Variants in MYO5C observed in about 807,000 individuals in gnomAD.
MYO5C encodes myosin VC, also known as unconventional myosin-Vc.
In MYO5C, 194 loss-of-function variants were observed where a neutral mutation model predicts 235.7. The observed-to-expected ratio is 0.82, with a 90% confidence interval of 0.73 to 0.93. MYO5C has a LOEUF of 0.93. Ranked by LOEUF, MYO5C falls within the 40% of genes least tolerant of loss-of-function variation. The probability of loss-of-function intolerance (pLI) is 0.00; values close to 1 mark genes in which losing one functional copy is unlikely to be tolerated. For missense variants in MYO5C, 2,038 were observed against 2,127.2 expected (o/e 0.96, Z 0.82); for synonymous variants, 707 against 754.8 (o/e 0.94, Z 1.04).
At chr15:52,198,756 A>G (rs1474587478) in intron 38 of MYO5C, among the ~76,000 whole-genome samples, 2 of 150,046 alleles carry the variant, frequency 1.3e-5, no homozygotes, top group African/African-American at 2.5e-5. Flanking sequence ...TAATTTTTGT[A>G]TTTTTAGTAG....
At position 52,275,723 on chromosome 15, in the gene MYO5C, A is replaced by G; in HGVS notation, c.450-5T>C. The G allele has an allele frequency of 6.2e-7, 1 of 1,613,846 alleles. No homozygotes were observed. Among genetic ancestry groups the G allele is most frequent in the Non-Finnish European group, 8.5e-7 (1 of 1,179,696 alleles). ...ATGGACTGGTTTCTGTTGTTTCTAAAGCAAATAAAAGTTTTCAAATATTAG... is the reference window on the plus strand; with the variant it reads ...ATGGACTGGTTTCTGTTGTTTCTAAGGCAAATAAAAGTTTTCAAATATTAG... On this transcript the variant is annotated splice_region_variant and splice_polypyrimidine_tract_variant and intron_variant, in intron 4 of 40. Coordinates refer to ENST00000261839, the MANE Select transcript of MYO5C (RefSeq NM_018728.4).
rs749835881 is a variant in MYO5C, at chr15:52,195,376, C to T, written c.5076+1G>A. Reference sequence around the variant, plus strand: ...AAAAGGCACATCCTTAAGAATCTCACCTGTACTTTGCGAACAAAGGATGGA... The same window carrying T: ...AAAAGGCACATCCTTAAGAATCTCATCTGTACTTTGCGAACAAAGGATGGA... On this transcript the variant is annotated splice_donor_variant, in intron 40 of 40. Coordinates refer to ENST00000261839, the MANE Select transcript of MYO5C (RefSeq NM_018728.4). LOFTEE classifies it high-confidence loss of function. 1.9e-6 allele frequency: 3 copies of T among 1,605,614 alleles called. No homozygotes were observed. The South Asian group carries it at 3.3e-5, about 18-fold the overall frequency.
intron 22 of MYO5C, among the ~76,000 whole-genome samples, chr15:52,236,288 C>T (rs1048713053): frequency 1.3e-5 from 2 of 152,220 alleles, no homozygotes; most frequent in Non-Finnish European, 2.9e-5. Flanking sequence ...CCCACGGCAG[C>T]AGTGTTGGTG....
At chr15:52,283,991 GT>G (rs1273212449) in intron 1 of MYO5C, among the ~76,000 whole-genome samples, 1 of 152,002 alleles carries the variant, frequency 6.6e-6, no homozygotes, top group Non-Finnish European at 1.5e-5. Flanking sequence ...AAAAATTAGT[GT>G]CCTTATAAGA....
intron 24 of MYO5C, among the ~76,000 whole-genome samples, chr15:52,230,826 C>CTTCTTCCT (rs1327127465): frequency 7.8e-6 from 1 of 128,622 alleles, no homozygotes; most frequent in East Asian, 2.4e-4. Flanking sequence ...AGAAGTCTTC[C>CTTCTTCCT]TTTTTTTTTT....
At chr15:52,290,656 A>T (rs1257655461) in intron 1 of MYO5C, among the ~76,000 whole-genome samples, 4 of 150,796 alleles carry the variant, frequency 2.7e-5, no homozygotes, top group African/African-American at 9.7e-5. Context: ...CTCCAGAGGC[A>T]TGCCACAGAG....
Position 52,205,122 on chromosome 15 carries a change from G to A in MYO5C, c.4563C>T (p.Ser1521=), listed in dbSNP as rs1231741987. The A allele has an allele frequency of 1.2e-6, 2 of 1,614,110 alleles. No individual in the cohort carries two copies. Among genetic ancestry groups the A allele is most frequent in the Non-Finnish European group, 1.7e-6 (2 of 1,179,980 alleles). Residue 1521 remains serine, a synonymous_variant, in exon 38 of 41, where the codon AGC becomes AGT. Transcript: ENST00000261839. ...GCTTCAGGCCGGAAATGCCCTGCAG[G>A]CTCTCATACTCCAGCATTCCCGGAA... ...IIVPGMLEYE[S]LQGISGLKPT... is the part of the protein sequence containing the mutation.
intron 1 of MYO5C, among the ~76,000 whole-genome samples, chr15:52,285,880 C>A (rs1439489316): frequency 6.6e-6 from 1 of 152,226 alleles, no homozygotes; most frequent in Non-Finnish European, 1.5e-5. Context: ...CAGCCTCTGC[C>A]CGGCCGCCAC....
At chr15:52,291,206 T>A (rs1460831524) in intron 1 of MYO5C, among the ~76,000 whole-genome samples, 1 of 152,174 alleles carries the variant, frequency 6.6e-6, no homozygotes, top group Non-Finnish European at 1.5e-5. Flanking sequence ...AGATCAAGGC[T>A]AGAGAATAGT....
chr15:52,265,010 C>G (rs946558773), intron 8 of MYO5C, among the ~76,000 whole-genome samples: 19 of 152,224 alleles, frequency 1.2e-4, no homozygotes, highest in African/African-American at 4.6e-4. Flanking sequence ...AGTTCTGCTG[C>G]TGCCCCCCAG....
intron 35 of MYO5C, 126 bp downstream of exon 35, chr15:52,211,604 G>T: frequency 9.9e-7 from 1 of 1,007,802 alleles, no homozygotes; most frequent in Non-Finnish European, 1.5e-6. Context: ...CACTAGTTGG[G>T]CCTCAAACTT....
Position 52,195,962 on chromosome 15 carries a change from CTTTTTTTTT to C in MYO5C, c.4995+338_4995+346del, listed in dbSNP as rs71130140. ...CAAAGGTGTGTGCCATCACACCCAG[CTTTTTTTTT>C]TTTTTTTTTTTTTTTTTTTTTTTGG... On this transcript the variant is annotated intron_variant, in intron 39 of 40. Transcript: ENST00000261839. Among the ~76,000 whole-genome samples the C allele has an allele frequency of 4.0e-4, 32 of 80,982 alleles. No individual in the cohort carries two copies. In the East Asian group the frequency reaches 0.019, roughly 48 times the overall value. 53.1% of individuals were successfully genotyped at this position (80,982 alleles called of 152,430 possible). A position where few individuals can be genotyped will look rare whatever the true frequency, so the allele number is the denominator to read the frequency against.
At position 52,226,051 on chromosome 15, in the gene MYO5C, GAA is replaced by G. The variant is rs34456629; in HGVS notation, c.3208-521_3208-520del. On this transcript the variant is annotated intron_variant, in intron 25 of 40. Coordinates refer to ENST00000261839, the MANE Select transcript of MYO5C (RefSeq NM_018728.4). ...GGGAACAAGAGCAAAACTCCACCTC[GAA>G]AAAAAAAAAAATTAACTTCCCTGTT... Among the ~76,000 whole-genome samples, 756 of 120,432 alleles carry G rather than the reference GAA, an allele frequency of 6.3e-3. 14 individuals carry two copies. The highest frequency in any genetic ancestry group is 0.034 in the Admixed American group (397 of 11,630). 79.0% of individuals were successfully genotyped at this position (120,432 alleles called of 152,430 possible). A position where few individuals can be genotyped will look rare whatever the true frequency, so the allele number is the denominator to read the frequency against.
intron 24 of MYO5C, among the ~76,000 whole-genome samples, chr15:52,229,924 C>A (rs887646872): frequency 6.6e-6 from 1 of 152,186 alleles, no homozygotes. Flanking sequence ...GTATTCCCAA[C>A]CCCCCGGGTT....
chr15:52,235,279 T>C (rs894615482), intron 23 of MYO5C, among the ~76,000 whole-genome samples: 10 of 152,132 alleles, frequency 6.6e-5, no homozygotes, highest in Admixed American at 2.6e-4. Context: ...TACATCAGGA[T>C]TACCGTAAAG....
intron 30 of MYO5C, 25 bp from the exon 31 acceptor site, chr15:52,219,847 C>G: frequency 6.4e-7 from 1 of 1,572,352 alleles, no homozygotes; most frequent in Non-Finnish European, 8.7e-7. Flanking sequence ...ACTGTCAGTA[C>G]TTTGGGGGGG....
chr15:52,251,586 AT>A, intron 12 of MYO5C, 71 bp from the exon 13 acceptor site: 2 of 1,297,172 alleles, frequency 1.5e-6, no homozygotes, highest in Middle Eastern at 2.4e-4. Flanking sequence ...AAAAGCACTA[AT>A]TCTAAGAAAC....
At chr15:52,205,710 T>G in intron 37 of MYO5C, 106 bp downstream of exon 37, 1 of 637,522 alleles carries the variant, frequency 1.6e-6, no homozygotes, top group Non-Finnish European at 2.4e-6. Flanking sequence ...TTCCTTGGCT[T>G]TTTAAACAAT....
In MYO5C at chr15:52,229,299, CTTT is replaced by C. The variant is rs1216984328; in HGVS notation, c.3038_3040del (p.Lys1013del). The C allele has an allele frequency of 1.9e-6, 3 of 1,613,260 alleles. No homozygotes were observed. Among genetic ancestry groups the C allele is most frequent in the Non-Finnish European group, 2.5e-6 (3 of 1,179,944 alleles). On this transcript the variant is annotated inframe_deletion, in exon 25 of 41. Coordinates refer to ENST00000261839, the MANE Select transcript of MYO5C (RefSeq NM_018728.4). ...ATAGTCTTGTGTTTTCAGTTCAAAA[CTTT>C]TTTCAAGAAGCCTACGCAGCAAAAG...
Sources: gnomAD v4.1 joint callset for allele counts (sites outside exome capture counted in the v4.1 genomes callset) on GRCh38, gnomAD v4.1.1 for gene constraint, MANE v1.5 for transcripts, NCBI Gene and HGNC (gene_info 2026-07-23, HGNC 2026-07-21) for gene names.